Variants in DPP10 observed in about 807,000 individuals in gnomAD.
The protein encoded by DPP10 is dipeptidyl peptidase like 10.
Under a neutral mutation model 120.9 loss-of-function variants are expected in DPP10, and 33 were observed. That is an observed-to-expected ratio of 0.27 (90% CI 0.21 to 0.37). The LOEUF (loss-of-function observed/expected upper bound fraction) is 0.37. Ranked by LOEUF, DPP10 falls within the 10% of genes least tolerant of loss-of-function variation. The probability of loss-of-function intolerance (pLI) is 1.00; values close to 1 mark genes in which losing one functional copy is unlikely to be tolerated. For missense variants in DPP10, 816 were observed against 942.8 expected (o/e 0.87, Z 1.76); for synonymous variants, 337 against 326.1 (o/e 1.03, Z -0.36).
chr2:114,988,314 ACC>A (rs1173381104), intron 1 of DPP10, among the ~76,000 whole-genome samples: 1 of 152,204 alleles, frequency 6.6e-6, no homozygotes, highest in East Asian at 1.9e-4. Flanking sequence ...GAAGGTCCAC[ACC>A]TATGTGGTAT....
At position 115,727,881 on chromosome 2, in the gene DPP10, ATCT is replaced by A; in HGVS notation, c.646_648del (p.Ser216del). On this transcript the variant is annotated inframe_deletion, in exon 8 of 26. Transcript: ENST00000410059. ...TAAAGAGCAGTTCATTGCGACTGAC[ATCT>A]TCTGGAAAAGAAGAAATAATTTTTA... The A allele has an allele frequency of 6.2e-7, 1 of 1,607,102 alleles. No homozygotes were observed. Among genetic ancestry groups the A allele is most frequent in the Non-Finnish European group, 8.5e-7 (1 of 1,176,896 alleles).
intron 1 of DPP10, among the ~76,000 whole-genome samples, chr2:115,219,010 C>A (rs1218277353): frequency 6.6e-6 from 1 of 152,060 alleles, no homozygotes; most frequent in Non-Finnish European, 1.5e-5. Flanking sequence ...CACCCTACAA[C>A]TTTTGTTTAG....
chr2:115,357,904 A>G (rs1027450991), intron 3 of DPP10, among the ~76,000 whole-genome samples: 3 of 152,104 alleles, frequency 2.0e-5, no homozygotes, highest in African/African-American at 7.2e-5. Context: ...CAACATCTTG[A>G]GCTGTACCTT....
intron 1 of DPP10, among the ~76,000 whole-genome samples, chr2:114,763,093 A>G (rs111662771): frequency 4.6e-5 from 7 of 152,310 alleles, no homozygotes; most frequent in African/African-American, 1.4e-4. Context: ...AAAAAAGATC[A>G]GCAAATAGAG....
At chr2:114,562,605 C>A (rs1036220002) in intron 1 of DPP10, among the ~76,000 whole-genome samples, 1 of 152,112 alleles carries the variant, frequency 6.6e-6, no homozygotes, top group Non-Finnish European at 1.5e-5. Flanking sequence ...CTGTAAAGTA[C>A]ACTGAATTCC....
chr2:115,557,007 A>T (rs918465006), intron 5 of DPP10, among the ~76,000 whole-genome samples: 1 of 152,210 alleles, frequency 6.6e-6, no homozygotes, highest in African/African-American at 2.4e-5. Flanking sequence ...TTCTGACTAC[A>T]AGAATCATTC....
intron 7 of DPP10, among the ~76,000 whole-genome samples, chr2:115,718,436 G>A (rs1015759944): frequency 2.0e-5 from 3 of 152,050 alleles, no homozygotes; most frequent in Non-Finnish European, 2.9e-5. Context: ...CATGAAAAAA[G>A]TTATCTTTCA....
At chr2:115,327,654 T>C (rs184350551) in intron 2 of DPP10, among the ~76,000 whole-genome samples, 19 of 152,168 alleles carry the variant, frequency 1.2e-4, no homozygotes, top group African/African-American at 4.3e-4. Context: ...GTGGTGAGTT[T>C]AGCTCATAAC....
intron 1 of DPP10, among the ~76,000 whole-genome samples, chr2:114,645,332 TC>T (rs1156448529): frequency 6.6e-6 from 1 of 152,170 alleles, no homozygotes; most frequent in Non-Finnish European, 1.5e-5. Context: ...AAACAAACTG[TC>T]CTAAACCATA....
intron 1 of DPP10, among the ~76,000 whole-genome samples, chr2:114,692,702 G>A (rs1329210926): frequency 1.3e-5 from 2 of 151,996 alleles, no homozygotes; most frequent in Admixed American, 1.3e-4. Flanking sequence ...CACTATTATT[G>A]TGTGGGAGTC....
intron 5 of DPP10, among the ~76,000 whole-genome samples, chr2:115,588,930 T>C (rs1027570167): frequency 6.6e-6 from 1 of 152,150 alleles, no homozygotes; most frequent in South Asian, 2.1e-4. Context: ...TCAGACTGGA[T>C]TGTACTGGAA....
intron 1 of DPP10, among the ~76,000 whole-genome samples, chr2:115,026,014 T>C (rs1703433739): frequency 6.6e-6 from 1 of 152,112 alleles, no homozygotes; most frequent in Non-Finnish European, 1.5e-5. Context: ...GTATAGAAGC[T>C]TTTTAGCTTG....
intron 1 of DPP10, among the ~76,000 whole-genome samples, chr2:114,737,557 C>T (rs1261868932): frequency 6.6e-6 from 1 of 152,168 alleles, no homozygotes; most frequent in Non-Finnish European, 1.5e-5. Flanking sequence ...GAGATTGAAT[C>T]AATAGGAAGC....
intron 7 of DPP10, among the ~76,000 whole-genome samples, chr2:115,712,637 T>A (rs1316752331): frequency 6.9e-6 from 1 of 145,020 alleles, no homozygotes; most frequent in Non-Finnish European, 1.5e-5. Flanking sequence ...GATCAGCAAC[T>A]TTTTTCTGTA....
intron 10 of DPP10, among the ~76,000 whole-genome samples, chr2:115,747,722 T>C (rs914841831): frequency 3.3e-5 from 5 of 151,768 alleles, no homozygotes; most frequent in African/African-American, 1.2e-4. Flanking sequence ...GCCTACTGAA[T>C]AGCTGGGAGT....
chr2:115,277,124 T>G (rs1345052089), intron 1 of DPP10, among the ~76,000 whole-genome samples: 1 of 152,176 alleles, frequency 6.6e-6, no homozygotes, highest in Non-Finnish European at 1.5e-5. Context: ...AAAATCAAGA[T>G]GTACATTATT....
At chr2:115,555,452 G>A (rs2080151298) in intron 5 of DPP10, among the ~76,000 whole-genome samples, 1 of 152,042 alleles carries the variant, frequency 6.6e-6, no homozygotes, top group African/African-American at 2.4e-5. Flanking sequence ...GGAAATATAT[G>A]GGAAAACTAC....
chr2:114,733,865 A>C (rs989031479), intron 1 of DPP10, among the ~76,000 whole-genome samples: 1 of 152,208 alleles, frequency 6.6e-6, no homozygotes, highest in Non-Finnish European at 1.5e-5. Context: ...TATAATAGAC[A>C]GTGCCTTGTG....
intron 1 of DPP10, among the ~76,000 whole-genome samples, chr2:114,784,132 G>C (rs956398915): frequency 1.3e-5 from 2 of 152,046 alleles, no homozygotes; most frequent in African/African-American, 4.8e-5. Flanking sequence ...GTATATGCAG[G>C]TTCACAGAAG....
Sources: allele counts gnomAD v4.1 joint callset (sites outside exome capture counted in the v4.1 genomes callset), GRCh38; gene constraint gnomAD v4.1.1; transcripts MANE v1.5; gene names NCBI Gene and HGNC (gene_info 2026-07-23, HGNC 2026-07-21).